PCDHA12: variants seen among roughly 807,000 people sequenced by gnomAD.
PCDHA12 encodes protocadherin alpha 12.
A neutral mutation model predicts 60.0 loss-of-function variants in PCDHA12; 44 were observed. The ratio of observed to expected loss-of-function variants is 0.73; its 90% CI spans 0.58 to 0.94. PCDHA12 has a LOEUF of 0.94. Ranked by LOEUF, PCDHA12 falls within the 40% of genes least tolerant of loss-of-function variation. The pLI is 0.00. For missense variants in PCDHA12, 1,276 were observed against 1,239.7 expected (o/e 1.03, Z -0.44); for synonymous variants, 569 against 553.0 (o/e 1.03, Z -0.40).
chr5:140,928,974 A>G (rs772759035), intron 1 of PCDHA12: 2 of 1,613,574 alleles, frequency 1.2e-6, no homozygotes, highest in Non-Finnish European at 1.7e-6. Flanking sequence ...TTTCCTTTTT[A>G]TTTCTGGGGT....
intron 3 of PCDHA12, among the ~76,000 whole-genome samples, chr5:140,987,959 C>T (rs1222591572): frequency 1.3e-5 from 2 of 152,132 alleles, no homozygotes; most frequent in South Asian, 2.1e-4. Context: ...AAACCAACTC[C>T]CCATGGAAAG....
At chr5:141,002,907 A>T (rs1201381868) in intron 3 of PCDHA12, among the ~76,000 whole-genome samples, 1 of 152,210 alleles carries the variant, frequency 6.6e-6, no homozygotes, top group Non-Finnish European at 1.5e-5. Flanking sequence ...TGAAGAGAAG[A>T]TCAGAAAAGT....
chr5:140,926,903 G>C (rs369906778), intron 1 of PCDHA12: 13 of 1,557,942 alleles, frequency 8.3e-6, no homozygotes, highest in African/African-American at 1.4e-5. Flanking sequence ...ATGGTGGGCT[G>C]TGGGGTGGCA....
chr5:140,902,203 CTTTTTTT>C (rs148688132), intron 1 of PCDHA12, among the ~76,000 whole-genome samples: 3 of 124,458 alleles, frequency 2.4e-5, no homozygotes, highest in African/African-American at 3.1e-5. Flanking sequence ...CTCTCTCTTT[CTTTTTTT>C]TTTTTTTTTT....
intron 1 of PCDHA12, among the ~76,000 whole-genome samples, chr5:140,918,519 G>A (rs2078736782): frequency 6.6e-6 from 1 of 152,068 alleles, no homozygotes. Flanking sequence ...AACTTATTGA[G>A]GATTGTTTTA....
At chr5:140,882,607 T>C (rs1313419888) in intron 1 of PCDHA12, 35 of 1,614,242 alleles carry the variant, frequency 2.2e-5, no homozygotes, top group Non-Finnish European at 3.0e-5. Flanking sequence ...TGGACAGGCC[T>C]CTGCAGGTTT....
chr5:140,877,093 G>C lies in PCDHA12; in HGVS notation c.1621G>C (p.Gly541Arg). Residue 541 changes from glycine to arginine, a missense_variant, in exon 1 of 4, where the codon GGC (glycine) becomes CGC (arginine). By Grantham distance (125) the Gly-to-Arg change is moderately radical. Coordinates refer to ENST00000398631, the MANE Select transcript of PCDHA12 (RefSeq NM_018903.4). Reference sequence around the variant, plus strand: ...GTTCCAGGTGAGCGCGCGCGACGCCGGCGTGCCGCCTCTGGGCAGCAACGT... The same window carrying C: ...GTTCCAGGTGAGCGCGCGCGACGCCCGCGTGCCGCCTCTGGGCAGCAACGT... Reference protein sequence around the residue: ...LQFQVSARDAGVPPLGSNVTL... With the variant: ...LQFQVSARDARVPPLGSNVTL... 6.2e-7 allele frequency: 1 copy of C among 1,613,296 alleles called. No homozygotes were observed. The highest frequency in any genetic ancestry group is 8.5e-7 in the Non-Finnish European group (1 of 1,179,840).
At chr5:140,968,749 G>A in intron 1 of PCDHA12, 1 of 1,614,150 alleles carries the variant, frequency 6.2e-7, no homozygotes, top group Non-Finnish European at 8.5e-7. Context: ...TGACCGTGGT[G>A]GTCCGAGATA....
At chr5:140,966,425 G>A in intron 1 of PCDHA12, 1 of 421,678 alleles carries the variant, frequency 2.4e-6, no homozygotes, top group South Asian at 9.9e-5. Flanking sequence ...GACTTGCTGA[G>A]CCCTCCTACC....
At chr5:140,965,496 ATT>A (rs71766133) in intron 1 of PCDHA12, among the ~76,000 whole-genome samples, 87 of 146,352 alleles carry the variant, frequency 5.9e-4, no homozygotes, top group Middle Eastern at 3.6e-3. Context: ...ATGACAGCAG[ATT>A]TTTTTTTTTT....
intron 3 of PCDHA12, among the ~76,000 whole-genome samples, chr5:140,994,709 A>C (rs1436733940): frequency 6.6e-6 from 1 of 152,166 alleles, no homozygotes; most frequent in Non-Finnish European, 1.5e-5. Flanking sequence ...TGTCTCAAAA[A>C]AAAATTTAAA....
chr5:140,993,270 G>A (rs190721014), intron 3 of PCDHA12, among the ~76,000 whole-genome samples: 360 of 151,912 alleles, frequency 2.4e-3, no homozygotes, highest in African/African-American at 8.3e-3. Context: ...AGCTTCTTTG[G>A]TCTTTTCTTG....
intron 1 of PCDHA12, among the ~76,000 whole-genome samples, chr5:140,905,999 G>T (rs781796509): frequency 1.3e-5 from 2 of 152,140 alleles, no homozygotes; most frequent in Non-Finnish European, 2.9e-5. Flanking sequence ...AGGCTGGGAG[G>T]CTAAGCCAGT....
At chr5:140,955,506 G>A (rs781377705) in intron 1 of PCDHA12, among the ~76,000 whole-genome samples, 3 of 152,222 alleles carry the variant, frequency 2.0e-5, no homozygotes, top group South Asian at 2.1e-4. Flanking sequence ...GAAGAAAGAC[G>A]TGTTTGCTTT....
chr5:141,010,446 C>G lies in PCDHA12; in HGVS notation c.*509C>G, dbSNP rs951181939. 39 of 944,590 alleles carry G rather than the reference C, an allele frequency of 4.1e-5. No homozygotes were observed. Among genetic ancestry groups the G allele is most frequent in the Non-Finnish European group, 5.6e-5 (37 of 656,282 alleles). The allele number at this position is 944,590 out of a possible 1,614,324, so 58.5% of individuals were successfully genotyped here. On this transcript the variant is annotated 3_prime_UTR_variant, in exon 4 of 4. Coordinates refer to ENST00000398631, the MANE Select transcript of PCDHA12 (RefSeq NM_018903.4). ...AGGCAAGAAAACAAAGACAAATAAA[C>G]AGCGGAAGTTATCAGTATGGAGGGG...
rs557035841 is a variant in PCDHA12, at chr5:140,907,537, A to G, written c.2367+29698A>G. On this transcript the variant is annotated intron_variant, in intron 1 of 3. Coordinates refer to ENST00000398631, the MANE Select transcript of PCDHA12 (RefSeq NM_018903.4). ...GTGAGGACAAATCGCTGCCCTTTCT[A>G]TGATGGAAGAGGTCCAATATAATCA... 7.9e-5 allele frequency among the ~76,000 whole-genome samples: 12 copies of G among 152,370 alleles called. No homozygotes were observed. The South Asian group carries it at 1.2e-3, about 16-fold the overall frequency.
chr5:140,991,885 A>G (rs1554252463), intron 3 of PCDHA12, among the ~76,000 whole-genome samples: 1 of 152,198 alleles, frequency 6.6e-6, no homozygotes, highest in Non-Finnish European at 1.5e-5. Context: ...GGCTGCCATA[A>G]CAAATTAACA....
intron 1 of PCDHA12, chr5:140,883,644 A>C (rs2059725253): frequency 1.2e-6 from 2 of 1,613,018 alleles, no homozygotes; most frequent in Non-Finnish European, 1.7e-6. Flanking sequence ...GCGCAGCCCG[A>C]GTACACGGTG....
chr5:140,948,096 T>C (rs550126735), intron 1 of PCDHA12, among the ~76,000 whole-genome samples: 1 of 151,754 alleles, frequency 6.6e-6, no homozygotes, highest in East Asian at 1.9e-4. Flanking sequence ...TATGAGCATA[T>C]GATTTTTCTT....
Sources: allele counts gnomAD v4.1 joint callset (sites outside exome capture counted in the v4.1 genomes callset), GRCh38; gene constraint gnomAD v4.1.1; transcripts MANE v1.5; gene names NCBI Gene and HGNC (gene_info 2026-07-23, HGNC 2026-07-21).